The following DNASE1 variants were observed in gnomAD, a reference collection of about 807,000 sequenced individuals.
The protein encoded by DNASE1 is deoxyribonuclease 1.
In DNASE1, 40 loss-of-function variants were observed where a neutral mutation model predicts 33.9. That is an observed-to-expected ratio of 1.18 (90% CI 0.92 to 1.54). The LOEUF is 1.54. DNASE1 is among the 40% of genes most tolerant of loss of function. The pLI, the probability that DNASE1 is intolerant of heterozygous loss-of-function variation, is 0.00. For missense variants in DNASE1, 518 were observed against 372.6 expected (o/e 1.39, Z -3.21); for synonymous variants, 216 against 160.0 (o/e 1.35, Z -2.64).
upstream of DNASE1, chr16:3,650,960 A>G (rs2042316901): frequency 6.6e-6 from 1 of 152,112 alleles, no homozygotes. Context: ...GGCCTTGAGC[A>G]GAGCAGAGTA....
chr16:3,628,467 A>C (rs1232058235), intron 1 of DNASE1, among the ~76,000 whole-genome samples: 1 of 152,150 alleles, frequency 6.6e-6, no homozygotes. Flanking sequence ...GTTAAATAGT[A>C]GTGGTAAAGG....
chr16:3,633,215 C>T (rs932669693), intron 1 of DNASE1, among the ~76,000 whole-genome samples: 2 of 152,000 alleles, frequency 1.3e-5, no homozygotes, highest in Non-Finnish European at 2.9e-5. Context: ...TTTTGGTCTT[C>T]CACTCTTTTT....
At chr16:3,663,449 C>T (rs1411551438) in exon 10 of DNASE1, 7 of 1,614,034 alleles carry the variant, frequency 4.3e-6, no homozygotes, top group South Asian at 1.1e-5. Context: ...CAAACTTCTC[C>T]TCCTTGTAGT....
At chr16:3,649,203 G>C (rs1458162292) in intron 1 of DNASE1, among the ~76,000 whole-genome samples, 1 of 152,212 alleles carries the variant, frequency 6.6e-6, no homozygotes, top group East Asian at 1.9e-4. Context: ...GCTGAGATTA[G>C]GGACGGCAAA....
chr16:3,619,314 G>C (rs1305424598), intron 1 of DNASE1, among the ~76,000 whole-genome samples: 1 of 152,114 alleles, frequency 6.6e-6, no homozygotes, highest in African/African-American at 2.4e-5. Context: ...GGGATTACAG[G>C]CATGAGCCAC....
intron 1 of DNASE1, among the ~76,000 whole-genome samples, chr16:3,612,591 C>T (rs983871254): frequency 4.7e-5 from 2 of 42,212 alleles, no homozygotes; most frequent in Non-Finnish European, 8.9e-5. Context: ...GCGGTGGGGG[C>T]GGGGGGGGGA....
intron 1 of DNASE1, among the ~76,000 whole-genome samples, chr16:3,634,304 C>A (rs747845854): frequency 2.0e-5 from 3 of 151,890 alleles, no homozygotes; most frequent in African/African-American, 7.3e-5. Context: ...TCTGGGCTCA[C>A]TGGAAGCTCC....
intron 1 of DNASE1, among the ~76,000 whole-genome samples, chr16:3,629,710 A>G (rs937983707): frequency 3.9e-5 from 6 of 152,218 alleles, no homozygotes; most frequent in Non-Finnish European, 1.5e-5. Flanking sequence ...CTTCAGGTCC[A>G]GGACTTTTCT....
chr16:3,635,302 A>T (rs2041835144), intron 1 of DNASE1, among the ~76,000 whole-genome samples: 1 of 151,818 alleles, frequency 6.6e-6, no homozygotes, highest in African/African-American at 2.4e-5. Flanking sequence ...TACTAAAAAT[A>T]AAAAAATTAG....
At chr16:3,630,733 G>C (rs1382960443) in intron 1 of DNASE1, among the ~76,000 whole-genome samples, 1 of 151,898 alleles carries the variant, frequency 6.6e-6, no homozygotes, top group Admixed American at 6.6e-5. Context: ...GATCTAAAGT[G>C]ATTCTTTTTT....
chr16:3,620,331 G>C (rs1157187058), intron 1 of DNASE1, among the ~76,000 whole-genome samples: 1 of 151,934 alleles, frequency 6.6e-6, no homozygotes, highest in Non-Finnish European at 1.5e-5. Context: ...GCATTTCAGA[G>C]ATCAAAAGGC....
intron 1 of DNASE1, among the ~76,000 whole-genome samples, chr16:3,615,603 T>C (rs1782374437): frequency 6.6e-6 from 1 of 152,134 alleles, no homozygotes; most frequent in Non-Finnish European, 1.5e-5. Flanking sequence ...TACTAAAAGG[T>C]GCAGACAGTC....
chr16:3,648,897 G>A (rs1256590706), intron 1 of DNASE1, among the ~76,000 whole-genome samples: 2 of 152,162 alleles, frequency 1.3e-5, no homozygotes, highest in East Asian at 3.8e-4. Flanking sequence ...ATCTCAAAAT[G>A]TGAACTTTTT....
intron 1 of DNASE1, among the ~76,000 whole-genome samples, chr16:3,621,647 T>C (rs1374897316): frequency 6.6e-6 from 1 of 152,184 alleles, no homozygotes; most frequent in Non-Finnish European, 1.5e-5. Flanking sequence ...GTCTTGGAGA[T>C]TTTTCCTTAT....
At chr16:3,619,719 C>T (rs1255673435) in intron 1 of DNASE1, among the ~76,000 whole-genome samples, 1 of 151,274 alleles carries the variant, frequency 6.6e-6, no homozygotes, top group African/African-American at 2.4e-5. Flanking sequence ...CTATGTTGCC[C>T]AGGATGATCT....
chr16:3,612,010 G>A (rs2040894296), intron 1 of DNASE1: 1 of 152,366 alleles, frequency 6.6e-6, no homozygotes. Flanking sequence ...CTCTCAGGTG[G>A]GGTGGCGTGA....
intron 1 of DNASE1, among the ~76,000 whole-genome samples, chr16:3,631,547 C>T (rs147735544): frequency 1.9e-4 from 28 of 149,334 alleles, no homozygotes; most frequent in African/African-American, 4.7e-4. Context: ...TAAATTGAGA[C>T]GGAGTCTCGC....
intron 1 of DNASE1, among the ~76,000 whole-genome samples, chr16:3,613,908 ATTTTTTTTTT>A (rs200976238): frequency 0.012 from 1,337 of 113,158 alleles, 38 homozygotes; most frequent in East Asian, 0.12. Flanking sequence ...CGCCTGGCTA[ATTTTTTTTTT>A]TTTTTTTTTT....
At chr16:3,662,080 C>G, downstream of DNASE1, 1 of 1,613,288 alleles carries the variant, frequency 6.2e-7, no homozygotes, top group Non-Finnish European at 8.5e-7. Flanking sequence ...GCGGGCAGCC[C>G]CCATCTCCAG....
Sources: gnomAD v4.1 joint callset for allele counts (sites outside exome capture counted in the v4.1 genomes callset) on GRCh38, gnomAD v4.1.1 for gene constraint, MANE v1.5 for transcripts, NCBI Gene and HGNC (gene_info 2026-07-23, HGNC 2026-07-21) for gene names.